F13B: variants seen among roughly 807,000 people sequenced by gnomAD.
F13B encodes TGase.
A neutral mutation model predicts 79.8 loss-of-function variants in F13B; 58 were observed. The ratio of observed to expected loss-of-function variants is 0.73; its 90% CI spans 0.59 to 0.90. The LOEUF is 0.90. F13B is among the 40% of genes least tolerant of loss of function. The pLI is 0.00. For synonymous variants in F13B, 283 were observed against 260.3 expected (o/e 1.09, Z -0.84); for missense variants, 773 against 777.0 (o/e 0.99, Z 0.06).
chr1:197,043,910 A>G (rs745872923), intron 10 of F13B, among the ~76,000 whole-genome samples: 9 of 152,102 alleles, frequency 5.9e-5, no homozygotes, highest in Non-Finnish European at 1.3e-4. Flanking sequence ...AAGGATATCA[A>G]GTACATCAAG....
intron 8 of F13B, among the ~76,000 whole-genome samples, chr1:197,054,862 A>G (rs533997143): frequency 3.9e-5 from 6 of 152,156 alleles, no homozygotes; most frequent in African/African-American, 1.4e-4. Flanking sequence ...AATTAATAGA[A>G]AAAGAATTAA....
rs147744445 is a variant in F13B, at chr1:197,067,212, T to C, written c.12A>G (p.Lys4=). The change falls in exon 1 of 12, where the codon AAA becomes AAG. Residue 4 remains lysine (K), a synonymous_variant. Coordinates refer to ENST00000367412, the MANE Select transcript of F13B (RefSeq NM_001994.3). Reference sequence around the variant, plus strand: ...TCAATATGATGATAAAAGTCAGGTTTTTCAACCTCATCTTCAGTGGTGTGC... The same window carrying C: ...TCAATATGATGATAAAAGTCAGGTTCTTCAACCTCATCTTCAGTGGTGTGC... MRL[K]NLTFIIILII... The C allele has an allele frequency of 1.2e-6, 2 of 1,609,520 alleles. No homozygotes were observed.
Position 197,039,094 on chromosome 1 carries a change from C to G in F13B, c.*284G>C, listed in dbSNP as rs899551799. 6 of 353,434 alleles carry G rather than the reference C, an allele frequency of 1.7e-5. No individual in the cohort carries two copies. In the Admixed American group the frequency reaches 2.5e-4, roughly 15 times the overall value. The allele number at this position is 353,434 out of a possible 1,614,324, so 21.9% of individuals were successfully genotyped here. A position where few individuals can be genotyped will look rare whatever the true frequency, so the allele number is the denominator to read the frequency against. ...AGTATATTGAAAACAACTATATAGT[C>G]TAGTCAATGGGCATTAGGAAATGAA... On this transcript the variant is annotated 3_prime_UTR_variant, in exon 12 of 12. Coordinates refer to ENST00000367412, the MANE Select transcript of F13B (RefSeq NM_001994.3).
intron 9 of F13B, 83 bp from the exon 10 acceptor site, chr1:197,050,962 C>G: frequency 1.1e-5 from 13 of 1,142,094 alleles, no homozygotes; most frequent in Non-Finnish European, 1.5e-5. Context: ...GACAGAGTCT[C>G]CCTCTGTCAC....
Position 197,038,906 on chromosome 1 carries a change from T to C in F13B, c.*472A>G, listed in dbSNP as rs929969323. On this transcript the variant is annotated 3_prime_UTR_variant, in exon 12 of 12. Transcript: ENST00000367412. ...CATTTAGAAAGTCTGAAGGGCAGTC[T>C]CTTCTGCCTTTAATAAGGCAGATCC... Among the ~76,000 whole-genome samples the C allele has an allele frequency of 1.2e-4, 19 of 152,080 alleles. No individual in the cohort carries two copies. The highest frequency in any genetic ancestry group is 2.9e-5 in the Non-Finnish European group (2 of 67,988).
chr1:197,039,485 C>A, intron 11 of F13B, 74 bp from the exon 12 acceptor site: 1 of 1,170,082 alleles, frequency 8.5e-7, no homozygotes, highest in South Asian at 1.3e-5. Flanking sequence ...CTCAGCCTTT[C>A]AATTTTTCAT....
At chr1:197,066,203 C>G (rs1656044140) in intron 1 of F13B, among the ~76,000 whole-genome samples, 1 of 151,990 alleles carries the variant, frequency 6.6e-6, no homozygotes, top group African/African-American at 2.4e-5. Flanking sequence ...AATTCTGTGT[C>G]TTTCACTTTT....
At chr1:197,056,881 T>C (rs892746199) in intron 7 of F13B, 132 bp downstream of exon 7, 2 of 794,930 alleles carry the variant, frequency 2.5e-6, no homozygotes, top group Non-Finnish European at 2.1e-6. Flanking sequence ...AGCAGAAGAG[T>C]AGGTGCTGTA....
Position 197,040,588 on chromosome 1 carries a change from C to A in F13B, c.1886G>T (p.Gly629Val), listed in dbSNP as rs1344077086. Residue 629 changes from glycine to valine, a missense_variant, in exon 11 of 12, where the codon GGA (glycine) becomes GTA (valine). Gly to Val is a moderately radical substitution (Grantham distance 109). Coordinates refer to ENST00000367412, the MANE Select transcript of F13B (RefSeq NM_001994.3). Reference sequence around the variant, plus strand: ...GTCACATTGCATTCTAAGTATAGATCCAGTAATATATAATTCAGCTGGATA... The same window carrying A: ...GTCACATTGCATTCTAAGTATAGATACAGTAATATATAATTCAGCTGGATA... ...DTYPAELYIT[G>V]SILRMQCDRG... 16 of 1,612,560 alleles carry A rather than the reference C, an allele frequency of 9.9e-6. No homozygotes were observed. The highest frequency in any genetic ancestry group is 1.3e-5 in the Non-Finnish European group (15 of 1,179,238).
At chr1:197,045,903 A>G (rs1192849701) in intron 10 of F13B, among the ~76,000 whole-genome samples, 2 of 152,198 alleles carry the variant, frequency 1.3e-5, no homozygotes, top group Non-Finnish European at 2.9e-5. Context: ...AACAGGACCA[A>G]TGACAAAAAC....
intron 2 of F13B, 129 bp downstream of exon 2, chr1:197,062,728 C>T (rs1655907216): frequency 1.2e-6 from 1 of 810,170 alleles, no homozygotes; most frequent in Non-Finnish European, 2.1e-6. Context: ...TGTAGAAAGA[C>T]AGATTGCTAG....
At chr1:197,055,672 A>G (rs369155592) in intron 8 of F13B, 43 bp downstream of exon 8, 21 of 1,591,390 alleles carry the variant, frequency 1.3e-5, no homozygotes, top group Non-Finnish European at 1.7e-5. Context: ...AGAAAATCAC[A>G]TAAAAGTACA....
Position 197,057,521 on chromosome 1 carries a change from G to T in F13B, c.806-56C>A, listed in dbSNP as rs970717753. 6.6e-6 allele frequency: 10 copies of T among 1,524,486 alleles called. No homozygotes were observed. The African/African-American group carries it at 1.4e-4, about 21-fold the overall frequency. The allele number at this position is 1,524,486 out of a possible 1,614,324, so 94.4% of individuals were successfully genotyped here. ...TCATATAATTACAAAAAATAATAAAGATTAAATTAAAATATTCATCATGTC... is the reference window on the plus strand; with the variant it reads ...TCATATAATTACAAAAAATAATAAATATTAAATTAAAATATTCATCATGTC... On this transcript the variant is annotated intron_variant, in intron 5 of 11. Coordinates refer to ENST00000367412, the MANE Select transcript of F13B (RefSeq NM_001994.3).
chr1:197,042,830 A>AT (rs1655092311), intron 10 of F13B, among the ~76,000 whole-genome samples: 1 of 150,888 alleles, frequency 6.6e-6, no homozygotes, highest in African/African-American at 2.4e-5. Context: ...AAAAAAAAAA[A>AT]AATTCTATGT....
At chr1:197,066,087 G>A (rs1021532637) in intron 1 of F13B, among the ~76,000 whole-genome samples, 7 of 151,664 alleles carry the variant, frequency 4.6e-5, no homozygotes, top group Admixed American at 3.9e-4. Context: ...ATAGATAACA[G>A]ACAATTATAT....
In F13B at chr1:197,039,338, T is replaced by C; in HGVS notation, c.*40A>G. The C allele has an allele frequency of 1.3e-6, 2 of 1,506,926 alleles. No homozygotes were observed. The highest frequency in any genetic ancestry group is 1.7e-4 in the Middle Eastern group (1 of 5,846). The allele number at this position is 1,506,926 out of a possible 1,614,324, so 93.3% of individuals were successfully genotyped here. A position where few individuals can be genotyped will look rare whatever the true frequency, so the allele number is the denominator to read the frequency against. ...AAATTATATTTTATAAGGAATTTCA[T>C]GATGTATTGAAATATGACTCCTCTT... On this transcript the variant is annotated 3_prime_UTR_variant, in exon 12 of 12. Coordinates refer to ENST00000367412, the MANE Select transcript of F13B (RefSeq NM_001994.3).
At chr1:197,063,105 A>T in intron 1 of F13B, 48 bp from the exon 2 acceptor site, 1 of 1,533,940 alleles carries the variant, frequency 6.5e-7, no homozygotes, top group East Asian at 2.3e-5. Flanking sequence ...AAATCTAAAA[A>T]CATAAATTTG....
intron 11 of F13B, chr1:197,040,312 G>C (rs1033648849): frequency 2.0e-6 from 1 of 499,220 alleles, no homozygotes; most frequent in African/African-American, 1.9e-5. Context: ...AATGGCAAAC[G>C]TTGCTTTCAC....
intron 1 of F13B, among the ~76,000 whole-genome samples, chr1:197,066,613 T>G (rs959055795): frequency 6.6e-6 from 1 of 152,172 alleles, no homozygotes; most frequent in Non-Finnish European, 1.5e-5. Context: ...ACTCTCTAAG[T>G]GTCCCTGTTT....
Sources: allele counts gnomAD v4.1 joint callset (sites outside exome capture counted in the v4.1 genomes callset), GRCh38; gene constraint gnomAD v4.1.1; transcripts MANE v1.5; gene names NCBI Gene and HGNC (gene_info 2026-07-23, HGNC 2026-07-21).